The following DNAJC6 variants were observed in gnomAD, a reference collection of about 807,000 sequenced individuals.
The protein encoded by DNAJC6 is DnaJ heat shock protein family (Hsp40) member C6.
A neutral mutation model predicts 110.0 loss-of-function variants in DNAJC6; 34 were observed. That is an observed-to-expected ratio of 0.31 (90% CI 0.24 to 0.41). The LOEUF (loss-of-function observed/expected upper bound fraction) is 0.41. Ranked by LOEUF, DNAJC6 falls within the 10% of genes least tolerant of loss-of-function variation. DNAJC6 has a pLI of 1.00. For synonymous variants in DNAJC6, 406 were observed against 437.2 expected, an observed-to-expected ratio of 0.93 and a Z score of 0.89; for missense variants, 1,031 against 1,207.8, an observed-to-expected ratio of 0.85 and a Z score of 2.17.
At chr1:65,407,233 G>A in intron 16 of DNAJC6, among the ~76,000 whole-genome samples, 1 of 151,944 alleles carries the variant, frequency 6.6e-6, no homozygotes, top group Non-Finnish European at 1.5e-5. Flanking sequence ...TACTTACTTA[G>A]TAGCCATCTC....
At chr1:65,317,070 T>C (rs1172748720) in intron 1 of DNAJC6, among the ~76,000 whole-genome samples, 2 of 152,200 alleles carry the variant, frequency 1.3e-5, no homozygotes, top group Non-Finnish European at 2.9e-5. Flanking sequence ...AGGTTTAATA[T>C]TAAAAGTTCT....
intron 1 of DNAJC6, chr1:65,279,006 CTT>C: frequency 4.1e-6 from 4 of 985,402 alleles, no homozygotes; most frequent in Non-Finnish European, 4.8e-6. Flanking sequence ...AAAACAGACA[CTT>C]TTATTTCCTG....
intron 1 of DNAJC6, among the ~76,000 whole-genome samples, chr1:65,359,130 ATCT>A (rs796301096): frequency 6.6e-5 from 10 of 152,306 alleles, no homozygotes; most frequent in African/African-American, 2.2e-4. Context: ...ATTTGTGTTT[ATCT>A]TCTTTATATA....
intron 1 of DNAJC6, among the ~76,000 whole-genome samples, chr1:65,304,257 T>C (rs548944455): frequency 2.0e-5 from 3 of 151,874 alleles, no homozygotes; most frequent in East Asian, 3.9e-4. Context: ...CAGAACCCCA[T>C]CAAACACCAA....
intron 1 of DNAJC6, among the ~76,000 whole-genome samples, chr1:65,290,444 C>T (rs901824004): frequency 9.9e-5 from 15 of 152,204 alleles, no homozygotes; most frequent in African/African-American, 3.4e-4. Flanking sequence ...CGTGATATTA[C>T]TTTATGTAGG....
At chr1:65,321,519 AT>A (rs962539430) in intron 1 of DNAJC6, among the ~76,000 whole-genome samples, 30 of 151,626 alleles carry the variant, frequency 2.0e-4, no homozygotes, top group African/African-American at 2.7e-4. Flanking sequence ...TTTAAAGACG[AT>A]TTTTTTTTAA....
At chr1:65,276,672 A>C (rs1450027468) in intron 1 of DNAJC6, among the ~76,000 whole-genome samples, 1 of 152,126 alleles carries the variant, frequency 6.6e-6, no homozygotes, top group African/African-American at 2.4e-5. Flanking sequence ...CAAAATGTTC[A>C]TTGTGCTTTT....
chr1:65,294,032 T>G (rs1451846464), intron 1 of DNAJC6, among the ~76,000 whole-genome samples: 3 of 152,222 alleles, frequency 2.0e-5, no homozygotes, highest in African/African-American at 7.2e-5. Flanking sequence ...TTTGCAGGGT[T>G]AATTTGCATC....
intron 18 of DNAJC6, among the ~76,000 whole-genome samples, chr1:65,411,658 T>C (rs1368976260): frequency 6.6e-6 from 1 of 152,116 alleles, no homozygotes; most frequent in Non-Finnish European, 1.5e-5. Flanking sequence ...TACCCAGTGA[T>C]TAATTTTTAG....
At chr1:65,359,956 G>T (rs1645582587) in intron 1 of DNAJC6, among the ~76,000 whole-genome samples, 1 of 152,134 alleles carries the variant, frequency 6.6e-6, no homozygotes, top group Admixed American at 6.5e-5. Flanking sequence ...AAAAGCCATT[G>T]TTATTTCACA....
Position 65,412,940 on chromosome 1 carries a change from A to G in DNAJC6, c.2828A>G (p.Tyr943Cys), listed in dbSNP as rs368437431. 55 of 1,613,940 alleles carry G rather than the reference A, an allele frequency of 3.4e-5. No individual in the cohort carries two copies. In the South Asian group the frequency reaches 5.5e-4, roughly 16 times the overall value. Reference protein sequence around the residue: ...VHPDKATGQPYEQYAKMIFME... With the variant: ...VHPDKATGQPCEQYAKMIFME... ...TCTCTACAGGCTACTGGGCAACCCT[A>G]TGAACAATACGCAAAGATGATTTTC... Residue 943 changes from tyrosine (Y) to cysteine (C), a missense_variant, in exon 19 of 19, where the codon TAT (tyrosine) becomes TGT (cysteine). By Grantham distance (194) the Tyr-to-Cys change is radical (BLOSUM62 -2). Transcript: ENST00000371069.
chr1:65,340,466 T>G (rs2101483243), intron 1 of DNAJC6, among the ~76,000 whole-genome samples: 1 of 152,276 alleles, frequency 6.6e-6, no homozygotes, highest in African/African-American at 2.4e-5. Context: ...CACTGAGACC[T>G]CTACTCTGTC....
chr1:65,362,300 G>T (rs935196121), intron 1 of DNAJC6, among the ~76,000 whole-genome samples: 2 of 152,228 alleles, frequency 1.3e-5, no homozygotes, highest in Admixed American at 6.5e-5. Context: ...TAGATAAAAT[G>T]CTTAGAAAAA....
chr1:65,322,225 C>G (rs148909323), intron 1 of DNAJC6, among the ~76,000 whole-genome samples: 2 of 152,084 alleles, frequency 1.3e-5, no homozygotes, highest in African/African-American at 4.8e-5. Flanking sequence ...ATTAACCCCC[C>G]CAAACCTATT....
intron 1 of DNAJC6, among the ~76,000 whole-genome samples, chr1:65,336,636 C>T (rs556765664): frequency 5.3e-5 from 8 of 152,106 alleles, no homozygotes; most frequent in Non-Finnish European, 8.8e-5. Context: ...GCCATAATGT[C>T]ATTAAATATT....
At chr1:65,308,608 A>G (rs561744645), upstream of DNAJC6, among the ~76,000 whole-genome samples, 2 of 152,350 alleles carry the variant, frequency 1.3e-5, no homozygotes, top group East Asian at 1.9e-4. Context: ...TAACTTCATG[A>G]TAAATTCTCT....
At chr1:65,344,920 C>G (rs148442785) in intron 1 of DNAJC6, among the ~76,000 whole-genome samples, 297 of 152,204 alleles carry the variant, frequency 2.0e-3, no homozygotes, top group Middle Eastern at 0.014. Context: ...TTTCAAATCC[C>G]CATCCAATCT....
chr1:65,342,959 C>T (rs368512346), intron 1 of DNAJC6, among the ~76,000 whole-genome samples: 2 of 152,146 alleles, frequency 1.3e-5, no homozygotes, highest in African/African-American at 4.8e-5. Flanking sequence ...CTCAATTTTG[C>T]GTTGCAGCTT....
At chr1:65,412,172 CTT>C (rs1646135420) in intron 18 of DNAJC6, among the ~76,000 whole-genome samples, 1 of 152,140 alleles carries the variant, frequency 6.6e-6, no homozygotes, top group African/African-American at 2.4e-5. Flanking sequence ...TTTGCCCTCT[CTT>C]GATTATTACT....
Sources: allele counts gnomAD v4.1 joint callset (sites outside exome capture counted in the v4.1 genomes callset), GRCh38; gene constraint gnomAD v4.1.1; transcripts MANE v1.5; gene names NCBI Gene and HGNC (gene_info 2026-07-23, HGNC 2026-07-21).